PIK3C3: variants seen among roughly 807,000 people sequenced by gnomAD.
PIK3C3 encodes the protein PI3-kinase type 3.
A neutral mutation model predicts 126.1 loss-of-function variants in PIK3C3; 95 were observed. That is an observed-to-expected ratio of 0.75 (90% CI 0.64 to 0.89). PIK3C3 has a LOEUF of 0.89. Ranked by LOEUF, PIK3C3 falls within the 40% of genes least tolerant of loss-of-function variation. The pLI, the probability that PIK3C3 is intolerant of heterozygous loss-of-function variation, is 0.00. For synonymous variants in PIK3C3, 374 were observed against 360.0 expected (o/e 1.04, Z -0.44); for missense variants, 829 against 1,063.2 (o/e 0.78, Z 3.06).
chr18:41,990,436 A>G (rs1275540961), intron 5 of PIK3C3, 23 bp from the exon 6 acceptor site: 2 of 1,335,810 alleles, frequency 1.5e-6, no homozygotes, highest in African/African-American at 1.4e-5. Flanking sequence ...ATCATTTTTC[A>G]TGAAAATCAT....
Position 42,024,740 on chromosome 18 carries a change from G to C in PIK3C3, c.1485-2703G>C, listed in dbSNP as rs768459355. Among the ~76,000 whole-genome samples, 44 of 151,808 alleles carry C rather than the reference G, an allele frequency of 2.9e-4. 1 individual carries two copies. Among genetic ancestry groups the C allele is most frequent in the Non-Finnish European group, 5.7e-4 (39 of 67,920 alleles). On this transcript the variant is annotated intron_variant, in intron 13 of 24. Coordinates refer to ENST00000262039, the MANE Select transcript of PIK3C3 (RefSeq NM_002647.4). ...GTGAACCACCACACCTGGCAGACTTGAATGATTTTTGAGAGGTGTTTGATA... is the reference window on the plus strand; with the variant it reads ...GTGAACCACCACACCTGGCAGACTTCAATGATTTTTGAGAGGTGTTTGATA...
chr18:42,058,505 T>C (rs774356333), intron 22 of PIK3C3, among the ~76,000 whole-genome samples: 22 of 152,202 alleles, frequency 1.4e-4, no homozygotes, highest in Non-Finnish European at 3.1e-4. Flanking sequence ...TTTAGAGTGA[T>C]ATTAGTTCAA....
At chr18:41,980,394 C>T (rs1403151675) in intron 4 of PIK3C3, among the ~76,000 whole-genome samples, 1 of 152,080 alleles carries the variant, frequency 6.6e-6, no homozygotes, top group African/African-American at 2.4e-5. Context: ...ATGATGTCTA[C>T]AGTACATGCA....
chr18:42,015,415 G>A (rs1983026207), intron 11 of PIK3C3, 61 bp from the exon 12 acceptor site: 10 of 1,258,630 alleles, frequency 7.9e-6, no homozygotes. Context: ...ATAAAAAATT[G>A]TGCGTTCTCT....
At chr18:41,963,280 A>G (rs757556905) in intron 3 of PIK3C3, among the ~76,000 whole-genome samples, 7 of 152,254 alleles carry the variant, frequency 4.6e-5, no homozygotes, top group Admixed American at 4.6e-4. Flanking sequence ...AAAGACAGAT[A>G]AATATTTTAA....
intron 4 of PIK3C3, among the ~76,000 whole-genome samples, chr18:41,974,779 A>G (rs1275210914): frequency 4.6e-5 from 7 of 152,104 alleles, no homozygotes; most frequent in Admixed American, 1.3e-4. Context: ...AGCTTGTCAT[A>G]TTATAAGAGT....
At chr18:41,994,832 A>C (rs913414408) in intron 7 of PIK3C3, among the ~76,000 whole-genome samples, 2 of 152,024 alleles carry the variant, frequency 1.3e-5, no homozygotes, top group African/African-American at 4.8e-5. Context: ...GAGCCCATGA[A>C]TTCTAGACCA....
intron 6 of PIK3C3, among the ~76,000 whole-genome samples, chr18:41,990,881 AAG>A (rs1169866693): frequency 2.0e-5 from 3 of 152,318 alleles, no homozygotes; most frequent in Admixed American, 1.3e-4. Flanking sequence ...TAAAAAATGA[AAG>A]GGGGAAATTA....
chr18:41,983,254 A>G (rs1171929040), intron 4 of PIK3C3, among the ~76,000 whole-genome samples: 1 of 152,152 alleles, frequency 6.6e-6, no homozygotes, highest in Non-Finnish European at 1.5e-5. Flanking sequence ...CATCTGAAGG[A>G]CAGAGGACAT....
At position 42,015,502 on chromosome 18, in the gene PIK3C3, C is replaced by A. The variant is rs747804143; in HGVS notation, c.1352C>A (p.Pro451His). The change falls in exon 12 of 25, where the codon CCT becomes CAT. Residue 451 changes from proline (P) to histidine (H), a missense_variant. By Grantham distance (77) the Pro-to-His change is moderately conservative (BLOSUM62 -2). Transcript: ENST00000262039. ...TCCCAAATTATAACCAGCCCCCTTC[C>A]TTCAGTCTCTTCACCTCCTCCTGCA... ...DSSQIITSPL[P>H]SVSSPPPASK... 1.2e-6 allele frequency: 2 copies of A among 1,613,590 alleles called. No homozygotes were observed. The highest frequency in any genetic ancestry group is 1.7e-6 in the Non-Finnish European group (2 of 1,179,754).
chr18:42,060,636 G>A (rs28438873), intron 22 of PIK3C3, among the ~76,000 whole-genome samples: 24,321 of 151,840 alleles, frequency 0.16, 2,103 homozygotes, highest in East Asian at 0.29. Context: ...AATTAGCCAG[G>A]TGTGATGGTG....
At position 42,083,895 on chromosome 18, in the gene PIK3C3, AG is replaced by A. The variant is rs1234337713; in HGVS notation, c.*2759del. ...TTTTCACTGAGATAATGGTAGTGATAGTACTGACCTCTAATGTGTGCATTTG... is the reference window on the plus strand; with the variant it reads ...TTTTCACTGAGATAATGGTAGTGATATACTGACCTCTAATGTGTGCATTTG... On this transcript the variant is annotated 3_prime_UTR_variant, in exon 25 of 25. Transcript: ENST00000262039. The A allele has an allele frequency of 2.0e-5, 3 of 152,236 alleles. No individual in the cohort carries two copies. Among genetic ancestry groups the A allele is most frequent in the Non-Finnish European group, 4.4e-5 (3 of 68,046 alleles). The allele number at this position is 152,236 out of a possible 1,614,324, so 9.4% of individuals were successfully genotyped here.
At chr18:42,031,066 A>G (rs1983802463) in intron 15 of PIK3C3, among the ~76,000 whole-genome samples, 1 of 152,242 alleles carries the variant, frequency 6.6e-6, no homozygotes, top group Admixed American at 6.5e-5. Context: ...ATGGTAAAAG[A>G]CAAACAATTT....
At chr18:42,016,952 T>C (rs151122426) in intron 12 of PIK3C3, among the ~76,000 whole-genome samples, 20 of 152,256 alleles carry the variant, frequency 1.3e-4, no homozygotes, top group Non-Finnish European at 2.4e-4. Context: ...TCACTCAAAA[T>C]GTTTAGGCTA....
At chr18:42,017,442 G>A (rs1214228618) in intron 12 of PIK3C3, among the ~76,000 whole-genome samples, 1 of 152,100 alleles carries the variant, frequency 6.6e-6, no homozygotes, top group Non-Finnish European at 1.5e-5. Context: ...GTTGGGTATA[G>A]CATTATACAT....
intron 9 of PIK3C3, among the ~76,000 whole-genome samples, chr18:42,001,294 C>T (rs1027804611): frequency 1.3e-5 from 2 of 152,152 alleles, no homozygotes; most frequent in Non-Finnish European, 2.9e-5. Flanking sequence ...TCACCACAAG[C>T]CTATGAAAAA....
intron 10 of PIK3C3, among the ~76,000 whole-genome samples, chr18:42,012,837 T>C (rs1272820929): frequency 6.6e-6 from 1 of 152,206 alleles, no homozygotes; most frequent in Non-Finnish European, 1.5e-5. Flanking sequence ...AAAGCATGTC[T>C]CTTAATCAAC....
chr18:42,005,708 A>T (rs1313673930), intron 10 of PIK3C3, among the ~76,000 whole-genome samples: 1 of 152,192 alleles, frequency 6.6e-6, no homozygotes, highest in Non-Finnish European at 1.5e-5. Flanking sequence ...GGGGACAGTG[A>T]GATCATTTTG....
chr18:42,073,325 G>C (rs2144529446), intron 24 of PIK3C3, among the ~76,000 whole-genome samples: 1 of 152,258 alleles, frequency 6.6e-6, no homozygotes, highest in East Asian at 1.9e-4. Context: ...GTTGCCTTTA[G>C]CTTAAGGGAA....
Sources: gnomAD v4.1 joint callset for allele counts (sites outside exome capture counted in the v4.1 genomes callset) on GRCh38, gnomAD v4.1.1 for gene constraint, MANE v1.5 for transcripts, NCBI Gene and HGNC (gene_info 2026-07-23, HGNC 2026-07-21) for gene names.